The following SMC4 variants were observed in gnomAD, a reference collection of about 807,000 sequenced individuals.
SMC4 encodes the protein structural maintenance of chromosomes protein 4.
A neutral mutation model predicts 145.6 loss-of-function variants in SMC4; 87 were observed. The observed-to-expected ratio is 0.60, with a 90% confidence interval of 0.50 to 0.71. The LOEUF (loss-of-function observed/expected upper bound fraction) is 0.71, where lower values mean the gene tolerates loss of function less well. SMC4 is among the 30% of genes least tolerant of loss of function. SMC4 has a pLI of 0.00. For missense variants in SMC4, 1,447 were observed against 1,537.1 expected, an observed-to-expected ratio of 0.94 and a Z score of 0.98; for synonymous variants, 558 against 500.7, an observed-to-expected ratio of 1.11 and a Z score of -1.53.
Position 160,424,946 on chromosome 3 carries a change from A to AC in SMC4, c.2405_2406insC (p.Glu802AspfsTer5). The AC allele has an allele frequency of 1.2e-6, 2 of 1,614,092 alleles. No homozygotes were observed. The highest frequency in any genetic ancestry group is 1.7e-6 in the Non-Finnish European group (2 of 1,180,008). ...CAAGAACAGAAAGTACAACTTGAAG[A>AC]AAGAGTAGTTAAGTTACGGCATAGT... On this transcript the variant is annotated frameshift_variant, in exon 16 of 24. Coordinates refer to ENST00000357388, the MANE Select transcript of SMC4 (RefSeq NM_001002800.3). LOFTEE classifies it high-confidence loss of function.
chr3:160,404,589 T>G, intron 5 of SMC4, 85 bp downstream of exon 5: 1 of 1,293,600 alleles, frequency 7.7e-7, no homozygotes, highest in South Asian at 1.2e-5. Flanking sequence ...CCTACATTTT[T>G]GAGGCCTTAA....
At chr3:160,414,899 A>G (rs2108472744) in intron 9 of SMC4, among the ~76,000 whole-genome samples, 1 of 152,304 alleles carries the variant, frequency 6.6e-6, no homozygotes, top group East Asian at 1.9e-4. Flanking sequence ...ATATTACAAT[A>G]ATATGTTATT....
rs1039977923 is a variant in SMC4, at chr3:160,399,766, C to A, written c.-6+17C>A. The A allele has an allele frequency of 6.6e-6, 1 of 152,516 alleles. No individual in the cohort carries two copies. The highest frequency in any genetic ancestry group is 1.5e-5 in the Non-Finnish European group (1 of 68,128). The allele number at this position is 152,516 out of a possible 1,614,324, so 9.4% of individuals were successfully genotyped here. On this transcript the variant is annotated intron_variant, in intron 1 of 23. Transcript: ENST00000357388. ...GTCCTGCAGGTAAAGTACTTCTCTT[C>A]CTGGTCAGGTTGTCACGCTCTTACT...
At chr3:160,426,595 TAAA>T (rs1717818344) in intron 17 of SMC4, among the ~76,000 whole-genome samples, 1 of 152,050 alleles carries the variant, frequency 6.6e-6, no homozygotes, top group Admixed American at 6.5e-5. Flanking sequence ...CTTGAAAACT[TAAA>T]ATATATATAT....
chr3:160,411,865 A>G, intron 5 of SMC4, 55 bp from the exon 6 acceptor site: 2 of 1,471,060 alleles, frequency 1.4e-6, no homozygotes, highest in Non-Finnish European at 1.9e-6. Context: ...TTCTCACTTA[A>G]GATTGATTTA....
chr3:160,429,076 T>A, intron 18 of SMC4, 134 bp downstream of exon 18: 1 of 708,586 alleles, frequency 1.4e-6, no homozygotes, highest in Non-Finnish European at 2.2e-6. Context: ...CATTACCTAA[T>A]GGGACTTCCA....
intron 23 of SMC4, 40 bp downstream of exon 23, chr3:160,433,249 A>C (rs1718604597): frequency 7.1e-7 from 1 of 1,411,814 alleles, no homozygotes; most frequent in African/African-American, 1.4e-5. Flanking sequence ...AGAAACTTTT[A>C]GGGGTATCCT....
Position 160,411,998 on chromosome 3 carries a change from G to A in SMC4, c.766G>A (p.Asp256Asn), listed in dbSNP as rs766073090. ...HDEGMLEYLE[D>N]IIGCGRLNEP... is the part of the protein sequence containing the mutation. ...TGAGGGTATGCTTGAATATTTAGAA[G>A]ATATAATTGGTTGTGGACGGCTAAA... Residue 256 changes from aspartate (D) to asparagine (N), a missense_variant, in exon 6 of 24, where the codon GAT (aspartate) becomes AAT (asparagine). By Grantham distance (23) the Asp-to-Asn change is conservative. Coordinates refer to ENST00000357388, the MANE Select transcript of SMC4 (RefSeq NM_001002800.3). The A allele has an allele frequency of 1.9e-6, 3 of 1,613,550 alleles. No individual in the cohort carries two copies. The highest frequency in any genetic ancestry group is 2.5e-6 in the Non-Finnish European group (3 of 1,179,774).
chr3:160,426,131 G>A lies in SMC4; in HGVS notation c.2536G>A (p.Val846Ile), dbSNP rs748002313. ...NVQVKELEAN[V>I]LATAPDKKKQ... ...CCAAGTTAAGGAACTTGAAGCTAAT[G>A]TACTTGCTACAGCCCCTGACAAAAA... Residue 846 changes from valine to isoleucine, a missense_variant, in exon 17 of 24, where the codon GTA becomes ATA. Coordinates refer to ENST00000357388, the MANE Select transcript of SMC4 (RefSeq NM_001002800.3). The A allele has an allele frequency of 1.2e-6, 2 of 1,607,874 alleles. No homozygotes were observed. Among genetic ancestry groups the A allele is most frequent in the East Asian group, 4.5e-5 (2 of 44,728 alleles).
intron 2 of SMC4, 101 bp downstream of exon 2, chr3:160,401,066 C>G: frequency 7.6e-7 from 1 of 1,311,554 alleles, no homozygotes; most frequent in Admixed American, 4.2e-5. Context: ...GCGGAGTTGA[C>G]ATCTGAAGGT....
intron 23 of SMC4, 102 bp downstream of exon 23, chr3:160,433,311 T>A: frequency 1.2e-6 from 1 of 804,588 alleles, no homozygotes; most frequent in Non-Finnish European, 2.0e-6. Flanking sequence ...TTTTCTTTAT[T>A]GTCTAATAAC....
chr3:160,412,417 T>C lies in SMC4; in HGVS notation c.944T>C (p.Ile315Thr). The C allele has an allele frequency of 1.2e-6, 2 of 1,605,582 alleles. No homozygotes were observed. Among genetic ancestry groups the C allele is most frequent in the Non-Finnish European group, 1.7e-6 (2 of 1,173,966 alleles). ...AIEFLTLENE[I>T]FRKKNHVCQY... is the part of the protein sequence containing the mutation. ...GAATTTCTTACCTTGGAAAATGAAA[T>C]ATTTAGAAAAAAGAATCATGTTTGT... Residue 315 changes from isoleucine to threonine, a missense_variant, in exon 7 of 24, where the codon ATA becomes ACA. By Grantham distance (89) the Ile-to-Thr change is moderately conservative. Transcript: ENST00000357388.
At chr3:160,406,620 A>G (rs992118621) in intron 5 of SMC4, among the ~76,000 whole-genome samples, 1 of 152,204 alleles carries the variant, frequency 6.6e-6, no homozygotes, top group Non-Finnish European at 1.5e-5. Flanking sequence ...CTATTTGGCC[A>G]GTAATAGTGA....
At chr3:160,410,275 G>C (rs1026646230) in intron 5 of SMC4, among the ~76,000 whole-genome samples, 4 of 152,096 alleles carry the variant, frequency 2.6e-5, no homozygotes, top group Non-Finnish European at 1.5e-5. Context: ...ATCTTATAAT[G>C]CCCAGCATAG....
chr3:160,427,713 C>G (rs920516336), intron 17 of SMC4, among the ~76,000 whole-genome samples: 2 of 152,122 alleles, frequency 1.3e-5, no homozygotes, highest in African/African-American at 4.8e-5. Context: ...TAAATATTTT[C>G]AACTATTGAA....
At chr3:160,433,270 CATGGAATTCTTT>C in intron 23 of SMC4, 61 bp downstream of exon 23, 1 of 1,134,182 alleles carries the variant, frequency 8.8e-7, no homozygotes, top group African/African-American at 1.6e-5. Context: ...AAACATTACA[CATGGAATTCTTT>C]ATTTCTTACA....
At chr3:160,418,002 T>G (rs771006456) in intron 11 of SMC4, 46 bp downstream of exon 11, 1 of 1,482,770 alleles carries the variant, frequency 6.7e-7, no homozygotes, top group Admixed American at 1.9e-5. Context: ...TTCGTCCACT[T>G]CAGCTTTATA....
chr3:160,414,308 G>A, intron 8 of SMC4, 59 bp from the exon 9 acceptor site: 1 of 1,363,218 alleles, frequency 7.3e-7, no homozygotes, highest in Non-Finnish European at 1.0e-6. Context: ...GGTAGGAAAT[G>A]TGGTTTTAAA....
chr3:160,413,697 T>A (rs1377039936), intron 8 of SMC4, 84 bp downstream of exon 8: 1 of 824,248 alleles, frequency 1.2e-6, no homozygotes, highest in Non-Finnish European at 1.8e-6. Context: ...TCTAGCACAT[T>A]GTGAGTGTAA....
Sources: gnomAD v4.1 joint callset for allele counts (sites outside exome capture counted in the v4.1 genomes callset) on GRCh38, gnomAD v4.1.1 for gene constraint, MANE v1.5 for transcripts, NCBI Gene and HGNC (gene_info 2026-07-23, HGNC 2026-07-21) for gene names.